LAMA2: variants seen among roughly 807,000 people sequenced by gnomAD.
The protein encoded by LAMA2 is laminin subunit alpha 2.
Under a neutral mutation model 364.8 loss-of-function variants are expected in LAMA2, and 269 were observed. That is an observed-to-expected ratio of 0.74 (90% confidence interval 0.67 to 0.82). The LOEUF is 0.82. Ranked by LOEUF, LAMA2 falls within the 40% of genes least tolerant of loss-of-function variation. The pLI is 0.00. For synonymous variants in LAMA2, 1,379 were observed against 1,370.6 expected (o/e 1.01, Z -0.14); for missense variants, 3,807 against 3,873.2 (o/e 0.98, Z 0.45).
At chr6:129,445,578 A>C (rs912486551) in intron 44 of LAMA2, 89 bp from the exon 45 acceptor site, 2 of 1,092,360 alleles carry the variant, frequency 1.8e-6, no homozygotes, top group Non-Finnish European at 2.8e-6. Context: ...AATAAGATGA[A>C]ATTGTTTGGT....
intron 23 of LAMA2, among the ~76,000 whole-genome samples, chr6:129,313,756 T>C (rs965754862): frequency 3.3e-5 from 5 of 152,246 alleles, no homozygotes; most frequent in African/African-American, 1.2e-4. Flanking sequence ...ATAAAATCTA[T>C]GCAAAAAGGG....
At chr6:129,059,222 G>A (rs760064633) in intron 2 of LAMA2, among the ~76,000 whole-genome samples, 2 of 152,142 alleles carry the variant, frequency 1.3e-5, no homozygotes, top group Admixed American at 1.3e-4. Flanking sequence ...ATATTTTCGG[G>A]TATTGGTTTC....
At chr6:129,160,788 T>A (rs973592895) in intron 8 of LAMA2, among the ~76,000 whole-genome samples, 3 of 151,916 alleles carry the variant, frequency 2.0e-5, no homozygotes, top group Non-Finnish European at 4.4e-5. Context: ...ACATAACTTC[T>A]AATTTCTCTT....
rs895444712 is a variant in LAMA2 at position 129,157,377 on chromosome 6, A to G, written c.1206+2694A>G. On this transcript the variant is annotated intron_variant, in intron 8 of 64. Transcript: ENST00000421865. ...GCTTGTATCCTAATAAGAGTACTGA[A>G]AGGTTTAATATTAGCAGCCTGTGAA... 5.3e-4 allele frequency: 474 copies of G among 896,864 alleles called. 1 individual carries two copies. Among genetic ancestry groups the G allele is most frequent in the Non-Finnish European group, 1.0e-4 (58 of 570,842 alleles). 55.6% of individuals were successfully genotyped at this position (896,864 alleles called of 1,614,324 possible).
intron 2 of LAMA2, among the ~76,000 whole-genome samples, chr6:129,053,532 G>C (rs1053017704): frequency 7.4e-6 from 1 of 134,882 alleles, no homozygotes; most frequent in Non-Finnish European, 1.6e-5. Flanking sequence ...CAGGTAAATG[G>C]AGTCAAGGCA....
intron 21 of LAMA2, among the ~76,000 whole-genome samples, chr6:129,298,368 T>C (rs1044465398): frequency 6.6e-6 from 1 of 151,912 alleles, no homozygotes; most frequent in Non-Finnish European, 1.5e-5. Flanking sequence ...AAGAGAGAAA[T>C]AGGTTGGCTC....
intron 43 of LAMA2, among the ~76,000 whole-genome samples, chr6:129,441,712 T>C (rs1320580195): frequency 6.6e-6 from 1 of 152,126 alleles, no homozygotes; most frequent in Admixed American, 6.6e-5. Context: ...GGTACAGTGG[T>C]TAACACCTGT....
intron 42 of LAMA2, among the ~76,000 whole-genome samples, chr6:129,440,294 A>G (rs1185631636): frequency 2.0e-5 from 3 of 152,168 alleles, no homozygotes; most frequent in Non-Finnish European, 4.4e-5. Context: ...AAACCTGAGT[A>G]ACTTTTCAGA....
chr6:129,407,342 T>C (rs1000146873), intron 40 of LAMA2, among the ~76,000 whole-genome samples: 3 of 152,070 alleles, frequency 2.0e-5, no homozygotes, highest in Admixed American at 1.3e-4. Context: ...ATAAAGACAA[T>C]AATAACATCA....
intron 1 of LAMA2, among the ~76,000 whole-genome samples, chr6:128,985,347 C>A (rs566633994): frequency 1.2e-3 from 183 of 152,156 alleles, no homozygotes; most frequent in African/African-American, 4.2e-3. Flanking sequence ...AAATTCAGGT[C>A]TTTTGATGTT....
chr6:128,905,557 C>G (rs536532701), intron 1 of LAMA2: 1 of 151,820 alleles, frequency 6.6e-6, no homozygotes, highest in East Asian at 1.9e-4. Flanking sequence ...AAGACAGTCT[C>G]TTTTTAAAAA....
At chr6:129,348,552 CT>C (rs893490173) in intron 30 of LAMA2, among the ~76,000 whole-genome samples, 1,562 of 143,160 alleles carry the variant, frequency 0.011, 21 homozygotes, top group African/African-American at 0.033. Context: ...CTTGTGGAGT[CT>C]TTTTTTTTTT....
chr6:129,418,143 C>G (rs1023090624), intron 40 of LAMA2, among the ~76,000 whole-genome samples: 1 of 152,114 alleles, frequency 6.6e-6, no homozygotes, highest in African/African-American at 2.4e-5. Flanking sequence ...TCATCGCCTG[C>G]TCCCTCTGTT....
chr6:128,928,535 A>G (rs890895144), intron 1 of LAMA2, among the ~76,000 whole-genome samples: 2 of 152,352 alleles, frequency 1.3e-5, no homozygotes, highest in African/African-American at 2.4e-5. Context: ...TTTAAAAAGC[A>G]TGTGCCCATA....
At chr6:129,215,119 CT>C (rs1254156302) in intron 12 of LAMA2, among the ~76,000 whole-genome samples, 2 of 152,106 alleles carry the variant, frequency 1.3e-5, no homozygotes, top group African/African-American at 2.4e-5. Flanking sequence ...CCACCTTTTT[CT>C]TCAGACAGAT....
At chr6:128,984,661 T>C in intron 1 of LAMA2, among the ~76,000 whole-genome samples, 1 of 144,990 alleles carries the variant, frequency 6.9e-6, no homozygotes, top group South Asian at 2.1e-4. Context: ...AATGATTTTT[T>C]TTTTTTTTTG....
At chr6:129,442,852 T>C in intron 43 of LAMA2, 1 of 558,512 alleles carries the variant, frequency 1.8e-6, no homozygotes, top group Non-Finnish European at 3.1e-6. Flanking sequence ...ATAGAAATAA[T>C]TTTTAAAATA....
chr6:129,398,450 T>A (rs970599952), intron 37 of LAMA2, among the ~76,000 whole-genome samples: 2 of 151,168 alleles, frequency 1.3e-5, no homozygotes, highest in African/African-American at 4.9e-5. Context: ...GACTTCATTT[T>A]CTTTTTTCTT....
At chr6:129,247,527 C>A (rs1361647246) in intron 12 of LAMA2, among the ~76,000 whole-genome samples, 1 of 152,152 alleles carries the variant, frequency 6.6e-6, no homozygotes, top group Non-Finnish European at 1.5e-5. Context: ...TAAACGCATA[C>A]CTTTAGGGTA....
Sources: gnomAD v4.1 joint callset for allele counts (sites outside exome capture counted in the v4.1 genomes callset) on GRCh38, gnomAD v4.1.1 for gene constraint, MANE v1.5 for transcripts, NCBI Gene and HGNC (gene_info 2026-07-23, HGNC 2026-07-21) for gene names.